The following TFAP2B variants were observed in gnomAD, a reference collection of about 807,000 sequenced individuals.
The protein encoded by TFAP2B is transcription factor AP-2-beta.
A neutral mutation model predicts 44.3 loss-of-function variants in TFAP2B; 9 were observed. That is an observed-to-expected ratio of 0.20 (90% confidence interval 0.12 to 0.35). The LOEUF is 0.35. Ranked by LOEUF, TFAP2B falls within the 10% of genes least tolerant of loss-of-function variation. The pLI is 1.00. For synonymous variants in TFAP2B, 270 were observed against 263.8 expected, an observed-to-expected ratio of 1.02 and a Z score of -0.23; for missense variants, 509 against 600.0, an observed-to-expected ratio of 0.85 and a Z score of 1.59.
chr6:50,820,912 G>A (rs1770324683), intron 1 of TFAP2B, among the ~76,000 whole-genome samples: 1 of 151,510 alleles, frequency 6.6e-6, no homozygotes, highest in Non-Finnish European at 1.5e-5. Flanking sequence ...TGGAAGGGAG[G>A]GAAGAGAGAA....
chr6:50,833,498 T>A (rs1762556684), intron 3 of TFAP2B, among the ~76,000 whole-genome samples: 1 of 151,968 alleles, frequency 6.6e-6, no homozygotes, highest in South Asian at 2.1e-4. Context: ...TCTTCTGACA[T>A]TGTCCTTGCT....
chr6:50,833,241 A>C (rs969032452), intron 3 of TFAP2B, among the ~76,000 whole-genome samples: 1 of 152,204 alleles, frequency 6.6e-6, no homozygotes, highest in African/African-American at 2.4e-5. Context: ...AACTGGAAGA[A>C]AGCAGAAGGG....
At chr6:50,843,069 G>T (rs748702883) in intron 6 of TFAP2B, 23 bp from the exon 7 acceptor site, 1 of 1,614,164 alleles carries the variant, frequency 6.2e-7, no homozygotes, top group South Asian at 1.1e-5. Context: ...GTGATTTTCT[G>T]TGCCTCGCCC....
rs1561967774 is a variant in TFAP2B, at chr6:50,843,440, AAC to A, written c.*50_*51del. The A allele has an allele frequency of 3.9e-6, 6 of 1,557,548 alleles. No homozygotes were observed. The highest frequency in any genetic ancestry group is 2.4e-5 in the East Asian group (1 of 42,144). On this transcript the variant is annotated 3_prime_UTR_variant, in exon 7 of 7. Transcript: ENST00000393655. Reference sequence around the variant, plus strand: ...AAAATGTTTTAAATACAAAAGGAAAAACAGACAAAAATTTAATTTTAGCTTTA... The same window carrying A: ...AAAATGTTTTAAATACAAAAGGAAAAAGACAAAAATTTAATTTTAGCTTTA...
rs915946893 is a variant in TFAP2B at position 50,831,582 on chromosome 6, G to A, written c.601+2903G>A. Among the ~76,000 whole-genome samples the A allele has an allele frequency of 3.3e-5, 5 of 151,892 alleles. No individual in the cohort carries two copies. In the East Asian group the frequency reaches 5.8e-4, roughly 18 times the overall value. On this transcript the variant is annotated intron_variant, in intron 3 of 6. Coordinates refer to ENST00000393655, the MANE Select transcript of TFAP2B (RefSeq NM_003221.4). ...AATAAAGTAATAATGAGAAGGATTC[G>A]GTACATTAACAGTCTAAAAATCCAA...
At chr6:50,842,581 A>T (rs930445081) in intron 6 of TFAP2B, among the ~76,000 whole-genome samples, 1 of 152,214 alleles carries the variant, frequency 6.6e-6, no homozygotes, top group African/African-American at 2.4e-5. Context: ...TCTCTAGAAT[A>T]AACAGTTTCT....
rs1762821773 is a variant in TFAP2B, at chr6:50,845,283, G to T, written c.*1891G>T. Reference sequence around the variant, plus strand: ...ACCCACTCAATTCTCCAGGACTCCCGGTTTTGCCCCCCTCCCGCTTTGCCT... The same window carrying T: ...ACCCACTCAATTCTCCAGGACTCCCTGTTTTGCCCCCCTCCCGCTTTGCCT... On this transcript the variant is annotated 3_prime_UTR_variant, in exon 7 of 7. Transcript: ENST00000393655. 6.6e-6 allele frequency: 1 copy of T among 152,218 alleles called. No homozygotes were observed. Among genetic ancestry groups the T allele is most frequent in the African/African-American group, 2.4e-5 (1 of 41,428 alleles). 9.4% of individuals were successfully genotyped at this position (152,218 alleles called of 1,614,324 possible).
At chr6:50,822,485 C>T (rs1406575264) in intron 1 of TFAP2B, among the ~76,000 whole-genome samples, 1 of 152,052 alleles carries the variant, frequency 6.6e-6, no homozygotes, top group African/African-American at 2.4e-5. Flanking sequence ...ATGATGTTTC[C>T]AGAGAAGAGA....
intron 2 of TFAP2B, among the ~76,000 whole-genome samples, chr6:50,827,342 T>A (rs1770557007): frequency 6.6e-6 from 1 of 152,238 alleles, no homozygotes; most frequent in South Asian, 2.1e-4. Flanking sequence ...AAGATGTGCA[T>A]GGCATGTTGC....
chr6:50,845,486 G>C lies in TFAP2B; in HGVS notation c.*2094G>C. On this transcript the variant is annotated 3_prime_UTR_variant, in exon 7 of 7. Transcript: ENST00000393655. ...CAGCCCATCTCCAACCCCTAGCTTC[G>C]TTTAGCACTTCTGATCTTCATGGCC... 1 of 152,466 alleles carries C rather than the reference G, an allele frequency of 6.6e-6. No homozygotes were observed. The allele number at this position is 152,466 out of a possible 1,614,324, so 9.4% of individuals were successfully genotyped here.
At position 50,843,251 on chromosome 6, in the gene TFAP2B, C is replaced by G. The variant is rs1762769466; in HGVS notation, c.1242C>G (p.Leu414=). Residue 414 remains leucine (L), a synonymous_variant, in exon 7 of 7, where the codon CTC becomes CTG. Coordinates refer to ENST00000393655, the MANE Select transcript of TFAP2B (RefSeq NM_003221.4). ...GFGAPAICAA[L]TALQNYLTEA... is the part of the protein sequence containing the mutation. ...GCGCCCCGGCCATTTGCGCCGCGCT[C>G]ACGGCCCTGCAGAACTATCTCACCG... is the stretch of plus-strand genomic sequence containing the variant. 3 of 1,614,186 alleles carry G rather than the reference C, an allele frequency of 1.9e-6. No homozygotes were observed. Among genetic ancestry groups the G allele is most frequent in the Middle Eastern group, 1.6e-4 (1 of 6,062 alleles).
In TFAP2B at chr6:50,845,471, C is replaced by G. The variant is rs1268349902; in HGVS notation, c.*2079C>G. 1.3e-5 allele frequency: 2 copies of G among 152,420 alleles called. No homozygotes were observed. Among genetic ancestry groups the G allele is most frequent in the Non-Finnish European group, 1.5e-5 (1 of 68,162 alleles). The allele number at this position is 152,420 out of a possible 1,614,324, so 9.4% of individuals were successfully genotyped here. ...GTTAGGGCCACACTGCAGCCCATCT[C>G]CAACCCCTAGCTTCGTTTAGCACTT... is the stretch of plus-strand genomic sequence containing the variant. On this transcript the variant is annotated 3_prime_UTR_variant, in exon 7 of 7. Transcript: ENST00000393655.
chr6:50,843,373 A>T lies in TFAP2B; in HGVS notation c.1364A>T (p.Glu455Val). ...EGPGSKTGDK[E>V]EKHRK is the part of the protein sequence containing the mutation. Reference sequence around the variant, plus strand: ...CCAGGTAGTAAAACTGGCGACAAGGAGGAGAAACACAGGAAATGAAAAATT... The same window carrying T: ...CCAGGTAGTAAAACTGGCGACAAGGTGGAGAAACACAGGAAATGAAAAATT... Residue 455 changes from glutamate to valine, a missense_variant, in exon 7 of 7, where the codon GAG becomes GTG. Coordinates refer to ENST00000393655, the MANE Select transcript of TFAP2B (RefSeq NM_003221.4). The T allele has an allele frequency of 6.2e-7, 1 of 1,614,128 alleles. No homozygotes were observed. Among genetic ancestry groups the T allele is most frequent in the Non-Finnish European group, 8.5e-7 (1 of 1,180,036 alleles).
intron 4 of TFAP2B, among the ~76,000 whole-genome samples, chr6:50,836,518 G>C (rs139093149): frequency 5.3e-5 from 8 of 152,264 alleles, no homozygotes; most frequent in Admixed American, 2.6e-4. Flanking sequence ...CCCGCGCCGC[G>C]CAAGTCCTAC....
intron 3 of TFAP2B, among the ~76,000 whole-genome samples, chr6:50,831,661 G>GC (rs932222946): frequency 3.5e-5 from 2 of 57,458 alleles, no homozygotes; most frequent in Non-Finnish European, 9.8e-5. Context: ...TTAGAAATCT[G>GC]GGGGGAGGAA....
rs1212027492 is a variant in TFAP2B, at chr6:50,828,693, C to T, written c.601+14C>T. ...TCATTAAAAAAGGTATGGATAATTC[C>T]CCCCAAAAAGTAAGCAAAGTTCTCT... On this transcript the variant is annotated intron_variant, in intron 3 of 6. Transcript: ENST00000393655. 2 of 1,613,682 alleles carry T rather than the reference C, an allele frequency of 1.2e-6. No individual in the cohort carries two copies. Among genetic ancestry groups the T allele is most frequent in the East Asian group, 2.2e-5 (1 of 44,848 alleles).
chr6:50,822,439 G>A (rs536036880), intron 1 of TFAP2B, among the ~76,000 whole-genome samples: 1 of 152,216 alleles, frequency 6.6e-6, no homozygotes, highest in East Asian at 1.9e-4. Context: ...AAATTTAGGT[G>A]ACTATTTCTG....
Position 50,823,652 on chromosome 6 carries a change from G to T in TFAP2B, c.327G>T (p.Arg109=), listed in dbSNP as rs1469341248. The T allele has an allele frequency of 6.2e-7, 1 of 1,614,050 alleles. No individual in the cohort carries two copies. The change falls in exon 2 of 7, where the codon CGG becomes CGT. Residue 109 remains arginine (R), a synonymous_variant. Coordinates refer to ENST00000393655, the MANE Select transcript of TFAP2B (RefSeq NM_003221.4). The part of the protein sequence containing the change: ...HQPQQHPWGQ[R]QRQEVGSEAG... Reference sequence around the variant, plus strand: ...CCCAGCAACATCCCTGGGGGCAACGGCAGCGGCAAGAAGTGGGTTCGGAAG... The same window carrying T: ...CCCAGCAACATCCCTGGGGGCAACGTCAGCGGCAAGAAGTGGGTTCGGAAG...
intron 1 of TFAP2B, among the ~76,000 whole-genome samples, chr6:50,822,461 A>G (rs979320713): frequency 4.6e-5 from 7 of 152,188 alleles, no homozygotes; most frequent in African/African-American, 1.7e-4. Context: ...AAAAAGAACC[A>G]TGGGGAGTTT....
Sources: allele counts gnomAD v4.1 joint callset (sites outside exome capture counted in the v4.1 genomes callset), GRCh38; gene constraint gnomAD v4.1.1; transcripts MANE v1.5; gene names NCBI Gene and HGNC (gene_info 2026-07-23, HGNC 2026-07-21).